FBXL7: variants seen among roughly 807,000 people sequenced by gnomAD.
FBXL7 encodes F-box and leucine rich repeat protein 7.
In FBXL7, 12 loss-of-function variants were observed where a neutral mutation model predicts 38.3. The ratio of observed to expected loss-of-function variants is 0.31; its 90% CI spans 0.20 to 0.51. The LOEUF (loss-of-function observed/expected upper bound fraction) is 0.51. FBXL7 is among the 20% of genes least tolerant of loss of function. The pLI, the probability that FBXL7 is intolerant of heterozygous loss-of-function variation, is 0.98. For missense variants in FBXL7, 567 were observed against 676.4 expected (o/e 0.84, Z 1.79); for synonymous variants, 297 against 300.9 (o/e 0.99, Z 0.13).
Position 15,912,670 on chromosome 5 carries a change from AG to A in FBXL7, c.128-15219del, listed in dbSNP as rs150754701. Among the ~76,000 whole-genome samples, 832 of 152,242 alleles carry A rather than the reference AG, an allele frequency of 5.5e-3. 5 individuals carry two copies. The highest frequency in any genetic ancestry group is 0.019 in the African/African-American group (788 of 41,540). ...AATGGAGCTTTCTATTAAAAAAAAA[AG>A]AAGTATGACAAGTTCTGAAAACTAA... On this transcript the variant is annotated intron_variant, in intron 2 of 3. Transcript: ENST00000504595.
intron 1 of FBXL7, among the ~76,000 whole-genome samples, chr5:15,519,291 C>T (rs1231317091): frequency 2.0e-5 from 3 of 152,150 alleles, no homozygotes; most frequent in African/African-American, 4.8e-5. Context: ...TGCAGTCAAC[C>T]GAGATCGTGC....
intron 2 of FBXL7, among the ~76,000 whole-genome samples, chr5:15,745,710 G>A (rs1001793624): frequency 2.0e-5 from 3 of 152,136 alleles, no homozygotes; most frequent in East Asian, 3.9e-4. Context: ...AACAAGAGGA[G>A]GACCCTACAT....
chr5:15,564,696 A>G (rs1580373631), intron 1 of FBXL7, among the ~76,000 whole-genome samples: 1 of 152,208 alleles, frequency 6.6e-6, no homozygotes, highest in East Asian at 1.9e-4. Flanking sequence ...AATCTGGTCC[A>G]GTATCCCGGA....
At chr5:15,791,743 C>T (rs537155395) in intron 2 of FBXL7, among the ~76,000 whole-genome samples, 70 of 152,178 alleles carry the variant, frequency 4.6e-4, no homozygotes, top group Admixed American at 2.7e-3. Flanking sequence ...TTGGGAGATG[C>T]TGGATAGTAA....
intron 2 of FBXL7, among the ~76,000 whole-genome samples, chr5:15,630,755 A>G (rs1420002284): frequency 2.0e-5 from 3 of 152,172 alleles, no homozygotes; most frequent in Admixed American, 1.3e-4. Context: ...CAAAGGTCTA[A>G]AATCTGATTA....
intron 2 of FBXL7, among the ~76,000 whole-genome samples, chr5:15,654,785 G>A (rs1580437030): frequency 6.6e-6 from 1 of 151,934 alleles, no homozygotes; most frequent in African/African-American, 2.4e-5. Context: ...GGATGAGTGG[G>A]GCTAAAATTT....
At chr5:15,665,773 G>T (rs180846915) in intron 2 of FBXL7, among the ~76,000 whole-genome samples, 1 of 152,042 alleles carries the variant, frequency 6.6e-6, no homozygotes, top group South Asian at 2.1e-4. Flanking sequence ...ATGTATTTGC[G>T]CTCAAAGTAT....
rs372087150 is a variant in FBXL7, at chr5:15,928,286, G to A, written c.524G>A (p.Arg175His). The A allele has an allele frequency of 1.9e-6, 3 of 1,612,722 alleles. No individual in the cohort carries two copies. Among genetic ancestry groups the A allele is most frequent in the South Asian group, 1.1e-5 (1 of 90,820 alleles). Residue 175 changes from arginine (R) to histidine (H), a missense_variant, in exon 3 of 4, where the codon CGC (arginine) becomes CAC (histidine). Arg to His is a conservative substitution (Grantham distance 29). Transcript: ENST00000504595. This position sits in a 1 kb window ranked among gnomAD's most constrained non-coding sequence, Gnocchi z 4.0. The part of the protein sequence containing the change: ...NVDRALKVLT[R>H]RLCQDTPNVC... ...GACCGCGCCCTCAAGGTGCTGACCC[G>A]CAGACTCTGCCAGGACACCCCCAAC... is the stretch of plus-strand genomic sequence containing the variant.
At chr5:15,704,909 G>A (rs559366971) in intron 2 of FBXL7, among the ~76,000 whole-genome samples, 52 of 151,630 alleles carry the variant, frequency 3.4e-4, no homozygotes, top group African/African-American at 1.2e-3. Context: ...AATTATCTTA[G>A]GCATAAAGCA....
chr5:15,630,044 T>A (rs1409884443), intron 2 of FBXL7, among the ~76,000 whole-genome samples: 2 of 152,180 alleles, frequency 1.3e-5, no homozygotes, highest in East Asian at 3.8e-4. Flanking sequence ...ATAGATACTT[T>A]GAAAGGAAGG....
intron 2 of FBXL7, among the ~76,000 whole-genome samples, chr5:15,641,732 G>T (rs1741374202): frequency 6.6e-6 from 1 of 152,086 alleles, no homozygotes; most frequent in Non-Finnish European, 1.5e-5. Context: ...GAATGAAAAA[G>T]AATTCTTTCT....
rs113933163 is a variant in FBXL7, at chr5:15,559,876, T to C, written c.38-56107T>C. 4.9e-3 allele frequency among the ~76,000 whole-genome samples: 752 copies of C among 152,324 alleles called. 4 individuals are homozygous for C. The highest frequency in any genetic ancestry group is 0.017 in the African/African-American group (702 of 41,566). On this transcript the variant is annotated intron_variant, in intron 1 of 3. Coordinates refer to ENST00000504595, the MANE Select transcript of FBXL7 (RefSeq NM_012304.5). Reference sequence around the variant, plus strand: ...CAACGCACATTAAGTTTTATGTGTTTCTTTTTACTTTGCTTGGGAATGAAC... The same window carrying C: ...CAACGCACATTAAGTTTTATGTGTTCCTTTTTACTTTGCTTGGGAATGAAC...
At chr5:15,697,541 G>T (rs906509424) in intron 2 of FBXL7, among the ~76,000 whole-genome samples, 1 of 151,970 alleles carries the variant, frequency 6.6e-6, no homozygotes, top group Non-Finnish European at 1.5e-5. Context: ...GGGATAATAC[G>T]TTGAATGGGC....
At chr5:15,656,646 G>A (rs886711935) in intron 2 of FBXL7, among the ~76,000 whole-genome samples, 2 of 151,982 alleles carry the variant, frequency 1.3e-5, no homozygotes, top group African/African-American at 4.8e-5. Flanking sequence ...TTTGGGTGGG[G>A]ACGCAGAGCC....
At chr5:15,934,345 G>T (rs1005264535) in intron 3 of FBXL7, among the ~76,000 whole-genome samples, 4 of 152,026 alleles carry the variant, frequency 2.6e-5, no homozygotes, top group Admixed American at 2.0e-4. Flanking sequence ...AGTTACTTTT[G>T]CACTAACCTA....
intron 2 of FBXL7, among the ~76,000 whole-genome samples, chr5:15,772,828 C>T (rs969641888): frequency 2.6e-5 from 4 of 152,056 alleles, no homozygotes; most frequent in African/African-American, 9.7e-5. Flanking sequence ...GCTTGACATA[C>T]AGTCTTTTAG....
chr5:15,606,085 T>C (rs1056669611), intron 1 of FBXL7, among the ~76,000 whole-genome samples: 3 of 152,224 alleles, frequency 2.0e-5, no homozygotes, highest in Non-Finnish European at 4.4e-5. Context: ...GCTGGTCCCA[T>C]GTAACAGGGC....
intron 2 of FBXL7, among the ~76,000 whole-genome samples, chr5:15,624,998 A>G (rs970324348): frequency 4.0e-5 from 6 of 150,572 alleles, no homozygotes; most frequent in African/African-American, 1.5e-4. Flanking sequence ...GCTTTTTCCC[A>G]TGAGTTGGAG....
intron 2 of FBXL7, among the ~76,000 whole-genome samples, chr5:15,645,233 A>AC (rs1741493216): frequency 6.6e-6 from 1 of 152,016 alleles, no homozygotes. Context: ...AAATCTTGGG[A>AC]CCCCCAAATC....
Sources: gnomAD v4.1 joint callset for allele counts (sites outside exome capture counted in the v4.1 genomes callset) on GRCh38, gnomAD v4.1.1 for gene constraint, Gnocchi (gnomAD v3.1) non-coding constraint, MANE v1.5 for transcripts, NCBI Gene and HGNC (gene_info 2026-07-23, HGNC 2026-07-21) for gene names.